The following FKBP8 variants were observed in gnomAD, a reference collection of about 807,000 sequenced individuals.
FKBP8 encodes the protein FKBP prolyl isomerase 8, also known as peptidyl-prolyl cis-trans isomerase FKBP8.
FKBP8 carries 5 observed loss-of-function variants against 41.7 expected under a neutral mutation model. The ratio of observed to expected loss-of-function variants is 0.12; its 90% CI spans 0.06 to 0.25. The LOEUF is 0.25. Among genes scored for constraint, FKBP8 ranks in the 10% least tolerant of loss-of-function variants. The pLI is 1.00. For synonymous variants in FKBP8, 279 were observed against 254.5 expected (o/e 1.10, Z -0.92); for missense variants, 397 against 563.0 (o/e 0.71, Z 2.98).
intron 6 of FKBP8, among the ~76,000 whole-genome samples, chr19:18,534,619 T>C (rs982769281): frequency 6.6e-6 from 1 of 151,800 alleles, no homozygotes; most frequent in Non-Finnish European, 1.5e-5. Flanking sequence ...TCTTGATCGG[T>C]CACCCAGGCT....
At position 18,531,983 on chromosome 19, in the gene FKBP8, C is replaced by T. The variant is rs1976459435; in HGVS notation, c.*186G>A. On this transcript the variant is annotated 3_prime_UTR_variant, in exon 9 of 9. Coordinates refer to ENST00000608443, the MANE Select transcript of FKBP8 (RefSeq NM_012181.5). ...CTGAAGGAATGAGGGCCCCCTCCCT[C>T]TGGGCTTTCCTCCTAGAGGGCCTCA... 1.6e-6 allele frequency: 1 copy of T among 607,950 alleles called. No individual in the cohort carries two copies. Among genetic ancestry groups the T allele is most frequent in the African/African-American group, 1.9e-5 (1 of 53,880 alleles). 37.7% of individuals were successfully genotyped at this position (607,950 alleles called of 1,614,324 possible).
intron 2 of FKBP8, among the ~76,000 whole-genome samples, chr19:18,540,236 A>G (rs867118100): frequency 3.3e-5 from 5 of 152,118 alleles, no homozygotes; most frequent in Non-Finnish European, 7.4e-5. Context: ...TGAGGTGCTC[A>G]TGGGACCTTT....
At chr19:18,534,515 G>A (rs868264002) in intron 6 of FKBP8, among the ~76,000 whole-genome samples, 21 of 151,876 alleles carry the variant, frequency 1.4e-4, no homozygotes, top group Middle Eastern at 3.4e-3. Context: ...CACCCACCTC[G>A]CTGCCTCCTC....
intron 8 of FKBP8, 113 bp downstream of exon 8, chr19:18,532,551 C>A: frequency 6.8e-7 from 1 of 1,469,474 alleles, no homozygotes; most frequent in Non-Finnish European, 9.2e-7. Flanking sequence ...CTCCACGTCC[C>A]CTGCATCGCC....
Position 18,538,553 on chromosome 19 carries a change from TC to T in FKBP8, c.552-118del, listed in dbSNP as rs1976631895. The T allele has an allele frequency of 2.5e-6, 2 of 794,980 alleles. No individual in the cohort carries two copies. The highest frequency in any genetic ancestry group is 2.0e-6 in the Non-Finnish European group (1 of 512,254). The allele number at this position is 794,980 out of a possible 1,614,324, so 49.2% of individuals were successfully genotyped here. On this transcript the variant is annotated intron_variant, in intron 4 of 8. Transcript: ENST00000608443. The surrounding 1 kb of genome is among the most constrained non-coding windows in gnomAD (Gnocchi z 4.0). ...CCCCCGATCTGTCTCCCCTCTGCCC[TC>T]CATCATTCCCTCCTCAGTAAAGTGC...
intron 8 of FKBP8, 108 bp from the exon 9 acceptor site, chr19:18,532,363 G>T: frequency 8.8e-7 from 1 of 1,137,514 alleles, no homozygotes; most frequent in Non-Finnish European, 1.3e-6. Context: ...ATCATTGCCT[G>T]ACTATGTATT....
At chr19:18,539,774 C>T (rs1479287787) in intron 2 of FKBP8, 54 bp from the exon 3 acceptor site, 6 of 1,585,330 alleles carry the variant, frequency 3.8e-6, no homozygotes, top group South Asian at 3.3e-5. Flanking sequence ...AACAGGCACC[C>T]GCTCCCCTGA....
intron 2 of FKBP8, among the ~76,000 whole-genome samples, chr19:18,540,000 TG>T (rs1423265315): frequency 6.6e-6 from 1 of 151,760 alleles, no homozygotes; most frequent in African/African-American, 2.4e-5. Flanking sequence ...TTTGTTTTTT[TG>T]TTTTTTTTTT....
intron 4 of FKBP8, among the ~76,000 whole-genome samples, chr19:18,539,143 T>C (rs1976645663): frequency 6.6e-6 from 1 of 152,136 alleles, no homozygotes. Context: ...AATTTTTTTG[T>C]ATAGAGATGC....
intron 4 of FKBP8, among the ~76,000 whole-genome samples, chr19:18,539,164 G>A (rs770605611): frequency 2.6e-5 from 4 of 152,070 alleles, no homozygotes; most frequent in African/African-American, 4.8e-5. Flanking sequence ...GGTCTATATT[G>A]CTTAGGCTGG....
intron 8 of FKBP8, 31 bp downstream of exon 8, chr19:18,532,633 C>A (rs766654863): frequency 6.2e-7 from 1 of 1,610,684 alleles, no homozygotes. Context: ...GCCCTGCACA[C>A]AGCCCCTGCC....
chr19:18,542,931 T>TG, intron 1 of FKBP8: 3 of 1,201,792 alleles, frequency 2.5e-6, no homozygotes, highest in Non-Finnish European at 3.2e-6. Context: ...TGAGAGACCC[T>TG]CCCAGCCCCC....
chr19:18,532,733 G>C lies in FKBP8; in HGVS notation c.1086C>G (p.Thr362=), dbSNP rs527721754. The C allele has an allele frequency of 1.2e-6, 2 of 1,614,144 alleles. No individual in the cohort carries two copies. Residue 362 remains threonine, a synonymous_variant, in exon 8 of 9, where the codon ACC becomes ACG. Coordinates refer to ENST00000608443, the MANE Select transcript of FKBP8 (RefSeq NM_012181.5). ...TGCCCAGCATTTTCCGGTACAAGGC[G>C]GTCTCCGTGCTCCGCTGCGCCGCAT... is the stretch of plus-strand genomic sequence containing the variant. ...KKHAAQRSTE[T]ALYRKMLGNP... is the part of the protein sequence containing the mutation.
At chr19:18,543,049 C>G in intron 1 of FKBP8, 1 of 360,222 alleles carries the variant, frequency 2.8e-6, no homozygotes, top group Non-Finnish European at 5.0e-6. Flanking sequence ...CGCTCCGTCT[C>G]GCCGTAAACA....
Position 18,533,575 on chromosome 19 carries a change from T to C in FKBP8, c.946-228A>G, listed in dbSNP as rs61758312. ...CAAAAATTAGCCAGGCGTGGTGGCA[T>C]GCACCTGTAGTCCTAGCTACTCAGG... On this transcript the variant is annotated intron_variant, in intron 6 of 8. Coordinates refer to ENST00000608443, the MANE Select transcript of FKBP8 (RefSeq NM_012181.5). Among the ~76,000 whole-genome samples, 427 of 152,134 alleles carry C rather than the reference T, an allele frequency of 2.8e-3. 2 individuals are homozygous for C. The highest frequency in any genetic ancestry group is 4.7e-3 in the Non-Finnish European group (319 of 67,992).
rs1181757628 is a variant in FKBP8 at position 18,538,894 on chromosome 19, A to C, written c.552-458T>G. On this transcript the variant is annotated intron_variant, in intron 4 of 8. Transcript: ENST00000608443. This position sits in a 1 kb window ranked among gnomAD's most constrained non-coding sequence, Gnocchi z 4.0. The stretch of plus-strand genomic sequence containing the variant: ...CAGTGGTGCAATCTCGGTTCACTGC[A>C]AGCTCCGCCTCCCGGGTTCACGCCA... Among the ~76,000 whole-genome samples the C allele has an allele frequency of 7.0e-6, 1 of 142,036 alleles. No homozygotes were observed. The highest frequency in any genetic ancestry group is 1.5e-5 in the Non-Finnish European group (1 of 66,880). 93.2% of individuals were successfully genotyped at this position (142,036 alleles called of 152,430 possible).
chr19:18,533,726 G>C (rs1269059246), intron 6 of FKBP8, among the ~76,000 whole-genome samples: 1 of 151,702 alleles, frequency 6.6e-6, no homozygotes, highest in Non-Finnish European at 1.5e-5. Flanking sequence ...AAAAAAAAGG[G>C]TCGGGCGCAG....
chr19:18,542,744 G>T, intron 1 of FKBP8: 1 of 420,122 alleles, frequency 2.4e-6, no homozygotes, highest in Non-Finnish European at 4.3e-6. Flanking sequence ...AGGAGTGGTC[G>T]AGGTCCCACC....
At chr19:18,536,354 T>G (rs1056025128) in intron 6 of FKBP8, among the ~76,000 whole-genome samples, 2 of 152,118 alleles carry the variant, frequency 1.3e-5, no homozygotes, top group Non-Finnish European at 2.9e-5. Context: ...GAACTTTTTT[T>G]TCTGTTCTCG....
Sources: allele counts gnomAD v4.1 joint callset (sites outside exome capture counted in the v4.1 genomes callset), GRCh38; gene constraint gnomAD v4.1.1; non-coding constraint Gnocchi (gnomAD v3.1); transcripts MANE v1.5; gene names NCBI Gene and HGNC (gene_info 2026-07-23, HGNC 2026-07-21).